The following NTM variants were observed in gnomAD, a reference collection of about 807,000 sequenced individuals.
The protein encoded by NTM is neurotrimin.
Under a neutral mutation model 42.1 loss-of-function variants are expected in NTM, and 13 were observed. The observed-to-expected ratio is 0.31, with a 90% CI of 0.20 to 0.49. The LOEUF is 0.49. Ranked by LOEUF, NTM falls within the 20% of genes least tolerant of loss-of-function variation. The pLI is 0.99. For missense variants in NTM, 373 were observed against 452.8 expected (o/e 0.82, Z 1.60); for synonymous variants, 187 against 179.2 (o/e 1.04, Z -0.35).
intron 1 of NTM, among the ~76,000 whole-genome samples, chr11:131,909,362 G>A (rs528459555): frequency 4.6e-5 from 7 of 152,276 alleles, no homozygotes; most frequent in South Asian, 2.1e-4. Context: ...GTATTGTACC[G>A]AAGCCCTTAT....
At chr11:132,207,683 C>A (rs2082199765) in intron 3 of NTM, among the ~76,000 whole-genome samples, 1 of 152,138 alleles carries the variant, frequency 6.6e-6, no homozygotes, top group Non-Finnish European at 1.5e-5. Flanking sequence ...TTGTGCCTGG[C>A]CACAAAATGT....
chr11:132,146,194 G>T lies in NTM; in HGVS notation c.168-88G>T, dbSNP rs574253398. On this transcript the variant is annotated intron_variant, in intron 2 of 8. Coordinates refer to ENST00000683400, the MANE Select transcript of NTM (RefSeq NM_001352005.2). This position sits in a 1 kb window ranked among gnomAD's most constrained non-coding sequence, Gnocchi z 4.5. ...GTGTTGGGGGAAGGGAGAAAGACAA[G>T]ATATTCTAGCCTTGCCATGAGGACC... 94 of 1,534,118 alleles carry T rather than the reference G, an allele frequency of 6.1e-5. 1 individual carries two copies. In the South Asian group the frequency reaches 1.1e-3, roughly 18 times the overall value.
intron 1 of NTM, among the ~76,000 whole-genome samples, chr11:131,590,711 A>G (rs2458785): frequency 0.15 from 22,407 of 152,232 alleles, 4,623 homozygotes; most frequent in African/African-American, 0.46. Flanking sequence ...CTGCATGGCA[A>G]TTGATGTGAA....
chr11:131,946,800 A>G (rs1486580840), intron 2 of NTM, among the ~76,000 whole-genome samples: 1 of 152,178 alleles, frequency 6.6e-6, no homozygotes, highest in African/African-American at 2.4e-5. Context: ...ATAATACTCT[A>G]TTTTGTAAGG....
At chr11:131,639,532 G>C (rs868681657) in intron 1 of NTM, among the ~76,000 whole-genome samples, 5 of 152,200 alleles carry the variant, frequency 3.3e-5, no homozygotes, top group African/African-American at 4.8e-5. Context: ...GTTGGGAACT[G>C]CAAGACCTAA....
intron 1 of NTM, among the ~76,000 whole-genome samples, chr11:131,403,479 C>A (rs1156292549): frequency 6.6e-6 from 1 of 152,064 alleles, no homozygotes; most frequent in Non-Finnish European, 1.5e-5. Context: ...TGATCCTGAA[C>A]CTTCATAACT....
At chr11:132,048,811 CTTTTTTCTTTTTT>C (rs869251521) in intron 2 of NTM, among the ~76,000 whole-genome samples, 5 of 99,408 alleles carry the variant, frequency 5.0e-5, no homozygotes, top group Admixed American at 2.2e-4. Flanking sequence ...TTTTTCTTTT[CTTTTTTCTTTTTT>C]TTTTTTTTTT....
intron 4 of NTM, among the ~76,000 whole-genome samples, chr11:132,222,763 C>T (rs1331378615): frequency 6.6e-6 from 1 of 152,174 alleles, no homozygotes; most frequent in South Asian, 2.1e-4. Flanking sequence ...CCTCACCCCC[C>T]ACGCACCCCA....
At chr11:131,978,199 A>G (rs961256860) in intron 2 of NTM, among the ~76,000 whole-genome samples, 2 of 152,244 alleles carry the variant, frequency 1.3e-5, no homozygotes, top group Admixed American at 6.5e-5. Flanking sequence ...GTGAAGTGCA[A>G]ATTGACAATG....
At chr11:131,464,695 C>T (rs1172252182) in intron 1 of NTM, among the ~76,000 whole-genome samples, 2 of 152,144 alleles carry the variant, frequency 1.3e-5, no homozygotes, top group South Asian at 2.1e-4. Context: ...AGCAGTGCCC[C>T]GAGGGGCCAG....
chr11:131,646,705 G>A (rs540536929), intron 1 of NTM, among the ~76,000 whole-genome samples: 7 of 151,980 alleles, frequency 4.6e-5, no homozygotes, highest in East Asian at 1.9e-4. Flanking sequence ...TGTAATAACC[G>A]TCAGATACCT....
intron 1 of NTM, among the ~76,000 whole-genome samples, chr11:131,626,931 C>T (rs959890724): frequency 4.6e-5 from 7 of 152,236 alleles, no homozygotes; most frequent in Admixed American, 3.3e-4. Context: ...TGAATTACAG[C>T]TGCCTGGGCA....
chr11:132,304,084 C>A (rs1297353875), intron 4 of NTM, among the ~76,000 whole-genome samples: 2 of 152,056 alleles, frequency 1.3e-5, no homozygotes, highest in Non-Finnish European at 2.9e-5. Context: ...AGCACTTGTG[C>A]AAAATAAACT....
intron 1 of NTM, among the ~76,000 whole-genome samples, chr11:131,373,550 C>T (rs1259076348): frequency 6.6e-6 from 1 of 151,710 alleles, no homozygotes; most frequent in Non-Finnish European, 1.5e-5. Context: ...CTCCCTGGGG[C>T]TCTGGCCCTA....
At chr11:131,572,947 G>A (rs969126612) in intron 1 of NTM, among the ~76,000 whole-genome samples, 2 of 152,156 alleles carry the variant, frequency 1.3e-5, no homozygotes, top group Admixed American at 1.3e-4. Flanking sequence ...CCTCTTGTCT[G>A]TCTGCTCCCC....
intron 2 of NTM, among the ~76,000 whole-genome samples, chr11:132,046,039 C>A (rs2077939175): frequency 6.6e-6 from 1 of 152,164 alleles, no homozygotes; most frequent in Non-Finnish European, 1.5e-5. Flanking sequence ...CATCCCTTCC[C>A]CTTTTAGACT....
intron 4 of NTM, among the ~76,000 whole-genome samples, chr11:132,272,602 T>A (rs117952522): frequency 3.3e-5 from 5 of 152,148 alleles, no homozygotes; most frequent in African/African-American, 1.2e-4. Flanking sequence ...TTTATTAAAT[T>A]TATTGCTAAG....
intron 4 of NTM, among the ~76,000 whole-genome samples, chr11:132,300,705 G>T (rs7116366): frequency 1.3e-5 from 2 of 152,118 alleles, no homozygotes; most frequent in Non-Finnish European, 2.9e-5. Context: ...CTAGCTTAGC[G>T]GCACAGATTT....
intron 2 of NTM, among the ~76,000 whole-genome samples, chr11:132,083,280 C>T (rs11823404): frequency 0.13 from 19,359 of 152,244 alleles, 1,363 homozygotes; most frequent in African/African-American, 0.2. Flanking sequence ...CAGAATTTCT[C>T]TCTCCAGTCC....
Sources: gnomAD v4.1 joint callset for allele counts (sites outside exome capture counted in the v4.1 genomes callset) on GRCh38, gnomAD v4.1.1 for gene constraint, Gnocchi (gnomAD v3.1) non-coding constraint, MANE v1.5 for transcripts, NCBI Gene and HGNC (gene_info 2026-07-23, HGNC 2026-07-21) for gene names.